AHCY: variants seen among roughly 807,000 people sequenced by gnomAD.
AHCY encodes the protein S-adenosyl-L-homocysteine hydrolase.
In AHCY, 24 loss-of-function variants were observed where a neutral mutation model predicts 45.4. The ratio of observed to expected loss-of-function variants is 0.53; its 90% CI spans 0.38 to 0.74. The LOEUF (loss-of-function observed/expected upper bound fraction) is 0.74. Among genes scored for constraint, AHCY ranks in the 30% least tolerant of loss-of-function variants. The pLI, the probability that AHCY is intolerant of heterozygous loss-of-function variation, is 0.00. For missense variants in AHCY, 449 were observed against 594.1 expected, an observed-to-expected ratio of 0.76 and a Z score of 2.54; for synonymous variants, 245 against 235.1, an observed-to-expected ratio of 1.04 and a Z score of -0.39.
rs1601632728 is a variant in AHCY at position 34,280,849 on chromosome 20, T to C, written c.*185A>G. ...CCGGGGCTTGAAGAGGGTACTCTGT[T>C]CCCGCTGCCACATTTGGAACAGTAT... On this transcript the variant is annotated 3_prime_UTR_variant, in exon 10 of 10. Transcript: ENST00000217426. 1.1e-6 allele frequency: 1 copy of C among 877,366 alleles called. No individual in the cohort carries two copies. Among genetic ancestry groups the C allele is most frequent in the African/African-American group, 1.7e-5 (1 of 60,086 alleles). 54.3% of individuals were successfully genotyped at this position (877,366 alleles called of 1,614,324 possible).
At chr20:34,292,560 C>T (rs2036435322) in intron 3 of AHCY, 53 bp from the exon 4 acceptor site, 8 of 1,612,344 alleles carry the variant, frequency 5.0e-6, no homozygotes, top group Admixed American at 3.3e-5. Flanking sequence ...GTACCTGCTC[C>T]AGGGAACAAC....
intron 1 of AHCY, 56 bp from the exon 2 acceptor site, chr20:34,295,641 G>C (rs569249922): frequency 1.3e-6 from 2 of 1,583,680 alleles, no homozygotes; most frequent in Non-Finnish European, 1.7e-6. Context: ...CCAACCAAGA[G>C]GGGCGGTCAC....
rs1378922581 is a variant in AHCY at position 34,295,506 on chromosome 20, CCGCATA to C, written c.102_107del (p.Met35_Arg36del). 6.2e-7 allele frequency: 1 copy of C among 1,614,080 alleles called. No homozygotes were observed. The highest frequency in any genetic ancestry group is 2.2e-5 in the East Asian group (1 of 44,882). On this transcript the variant is annotated inframe_deletion, in exon 2 of 10. Coordinates refer to ENST00000217426, the MANE Select transcript of AHCY (RefSeq NM_000687.4). ...GTGGCTTGGAGGCCGAGTACCGCTCCCGCATACGCATCAGGCCCGGCATCTCGTTCT... is the reference window on the plus strand; with the variant it reads ...GTGGCTTGGAGGCCGAGTACCGCTCCCGCATCAGGCCCGGCATCTCGTTCT...
At chr20:34,252,884 A>C in the AHCY span, among the ~76,000 whole-genome samples, 3 of 152,216 alleles carry the variant, frequency 2.0e-5, no homozygotes, top group African/African-American at 7.2e-5. Context: ...TTTACCAGGC[A>C]TACTGCCTGC....
the AHCY span, chr20:34,262,721 T>G: frequency 1.7e-6 from 2 of 1,205,024 alleles, no homozygotes; most frequent in Admixed American, 3.5e-5. Context: ...GCACGCTTCT[T>G]CTCCTCTCCC....
intron 9 of AHCY, chr20:34,281,838 TTC>T (rs1009691079): frequency 1.9e-5 from 3 of 157,376 alleles, no homozygotes; most frequent in African/African-American, 7.3e-5. Flanking sequence ...CCAGCTAACT[TTC>T]TGTTTTTAGT....
At chr20:34,235,870 G>GAAGGAAGGAAGGAAGGAAGGAAGGA in the AHCY span, among the ~76,000 whole-genome samples, 1 of 28,952 alleles carries the variant, frequency 3.5e-5, no homozygotes. Context: ...GGAAGGAAAG[G>GAAGGAAGGAAGGAAGGAAGGAAGGA]AAGGAAGGAA....
At chr20:34,262,062 G>A in the AHCY span, among the ~76,000 whole-genome samples, 1 of 151,422 alleles carries the variant, frequency 6.6e-6, no homozygotes, top group South Asian at 2.1e-4. Flanking sequence ...ACAGTGAGCC[G>A]AGATCGCACC....
At chr20:34,246,619 A>C in the AHCY span, 2 of 632,972 alleles carry the variant, frequency 3.2e-6, no homozygotes, top group Non-Finnish European at 5.8e-6. Flanking sequence ...ACCATGCCTG[A>C]CTAATTTTTT....
the AHCY span, among the ~76,000 whole-genome samples, chr20:34,233,519 G>C: frequency 5.9e-5 from 9 of 152,164 alleles, no homozygotes; most frequent in African/African-American, 2.2e-4. Context: ...CTGTAGGATG[G>C]TTGCACAACT....
At chr20:34,247,152 C>A in the AHCY span, among the ~76,000 whole-genome samples, 1 of 151,952 alleles carries the variant, frequency 6.6e-6, no homozygotes, top group African/African-American at 2.4e-5. Context: ...GCCAATGTAG[C>A]CCGTTGTGTT....
At chr20:34,303,023 C>T in intron 1 of AHCY, 1 of 985,460 alleles carries the variant, frequency 1.0e-6, no homozygotes, top group Non-Finnish European at 1.2e-6. Context: ...CCCGGCGTCG[C>T]GGGGCATGCT....
the AHCY span, among the ~76,000 whole-genome samples, chr20:34,247,304 T>C: frequency 6.6e-6 from 1 of 150,442 alleles, no homozygotes; most frequent in Admixed American, 6.6e-5. Context: ...ATGATGCTTT[T>C]TTTTTTTTTT....
chr20:34,267,459 CAAAAAAAAAA>C, the AHCY span, among the ~76,000 whole-genome samples: 12 of 46,282 alleles, frequency 2.6e-4, no homozygotes, highest in African/African-American at 6.6e-4. Flanking sequence ...AACTGGCTCT[CAAAAAAAAAA>C]AAAAAAAAAA....
At chr20:34,301,223 C>A (rs1165363836) in intron 1 of AHCY, among the ~76,000 whole-genome samples, 1 of 152,140 alleles carries the variant, frequency 6.6e-6, no homozygotes, top group Non-Finnish European at 1.5e-5. Context: ...CCTCTCAAGG[C>A]CCCTCCTGGG....
At chr20:34,304,239 T>A (rs2036866706), upstream of AHCY, among the ~76,000 whole-genome samples, 2 of 152,258 alleles carry the variant, frequency 1.3e-5, no homozygotes, top group Admixed American at 6.5e-5. Flanking sequence ...GACTCATGCA[T>A]ATAGCTTGAG....
At chr20:34,276,811 A>T (rs930852232), downstream of AHCY, among the ~76,000 whole-genome samples, 3 of 152,076 alleles carry the variant, frequency 2.0e-5, no homozygotes, top group African/African-American at 7.2e-5. Context: ...AGTTTGGAGA[A>T]GCAACCAACC....
At chr20:34,272,577 G>A in the AHCY span, among the ~76,000 whole-genome samples, 44 of 152,274 alleles carry the variant, frequency 2.9e-4, no homozygotes, top group African/African-American at 1.1e-3. Context: ...TAATTTGTTG[G>A]AGAGGCTCAC....
the AHCY span, among the ~76,000 whole-genome samples, chr20:34,269,582 G>T: frequency 6.6e-6 from 1 of 151,802 alleles, no homozygotes; most frequent in Non-Finnish European, 1.5e-5. Flanking sequence ...AGGAAGAAAG[G>T]AACAGCCTTT....
Sources: allele counts gnomAD v4.1 joint callset (sites outside exome capture counted in the v4.1 genomes callset), GRCh38; gene constraint gnomAD v4.1.1; transcripts MANE v1.5; gene names NCBI Gene and HGNC (gene_info 2026-07-23, HGNC 2026-07-21).